FGGY: variants seen among roughly 807,000 people sequenced by gnomAD.
FGGY encodes the protein FGGY carbohydrate kinase domain containing, also known as FGGY carbohydrate kinase domain-containing protein.
Under a neutral mutation model 71.3 loss-of-function variants are expected in FGGY, and 72 were observed. The ratio of observed to expected loss-of-function variants is 1.01; its 90% CI spans 0.84 to 1.23. The LOEUF is 1.23. FGGY is among the 50% of genes most tolerant of loss of function. FGGY has a pLI of 0.00. For synonymous variants in FGGY, 251 were observed against 250.3 expected (o/e 1.00, Z -0.02); for missense variants, 668 against 682.3 (o/e 0.98, Z 0.23).
At chr1:59,459,901 A>C (rs2153518094) in intron 6 of FGGY, among the ~76,000 whole-genome samples, 2 of 152,320 alleles carry the variant, frequency 1.3e-5, no homozygotes. Context: ...TGCATTACTA[A>C]CAGGGTTTGT....
chr1:59,586,263 A>T (rs1215861079), intron 8 of FGGY, among the ~76,000 whole-genome samples: 1 of 152,230 alleles, frequency 6.6e-6, no homozygotes, highest in Admixed American at 6.5e-5. Context: ...ACCAAGCCAG[A>T]TATCCAACAA....
At chr1:59,434,204 T>G (rs1429607084) in intron 5 of FGGY, among the ~76,000 whole-genome samples, 1 of 152,244 alleles carries the variant, frequency 6.6e-6, no homozygotes, top group Non-Finnish European at 1.5e-5. Context: ...GTAAGTTCAG[T>G]TAAGGCAGAC....
intron 1 of FGGY, among the ~76,000 whole-genome samples, chr1:59,320,177 A>C (rs2046144441): frequency 6.6e-6 from 1 of 152,210 alleles, no homozygotes; most frequent in East Asian, 1.9e-4. Context: ...CCACAGAGCC[A>C]AAAGGGGGAC....
intron 7 of FGGY, among the ~76,000 whole-genome samples, chr1:59,538,741 A>G (rs2153682705): frequency 6.6e-6 from 1 of 151,766 alleles, no homozygotes; most frequent in South Asian, 2.1e-4. Flanking sequence ...AAACTATAGC[A>G]AGAACAAAAA....
At chr1:59,345,452 G>GT (rs143225813) in intron 3 of FGGY, among the ~76,000 whole-genome samples, 7,724 of 152,164 alleles carry the variant, frequency 0.051, 452 homozygotes, top group African/African-American at 0.14. Flanking sequence ...GGACTACAGG[G>GT]TGGTAAGGCA....
chr1:59,378,624 C>G (rs538991453), intron 4 of FGGY, 125 bp from the exon 5 acceptor site: 44 of 729,930 alleles, frequency 6.0e-5, no homozygotes, highest in Non-Finnish European at 8.9e-5. Context: ...CCACCAAGCT[C>G]CTGAACAGAT....
intron 9 of FGGY, among the ~76,000 whole-genome samples, chr1:59,618,007 A>G (rs988358291): frequency 6.6e-6 from 1 of 152,112 alleles, no homozygotes; most frequent in East Asian, 1.9e-4. Flanking sequence ...CAGTGTGCAC[A>G]GTGTAGTACA....
intron 5 of FGGY, among the ~76,000 whole-genome samples, chr1:59,380,400 A>C (rs1365765972): frequency 5.9e-5 from 9 of 151,572 alleles, no homozygotes; most frequent in Non-Finnish European, 1.0e-4. Flanking sequence ...GAACTAGTTT[A>C]CAGTCCCACC....
chr1:59,321,079 T>G (rs1048030999), intron 1 of FGGY, among the ~76,000 whole-genome samples: 8 of 152,186 alleles, frequency 5.3e-5, no homozygotes, highest in African/African-American at 1.9e-4. Context: ...TCACAGTGCT[T>G]GCGTGTAAGA....
chr1:59,730,646 A>C (rs560847300), intron 14 of FGGY, among the ~76,000 whole-genome samples: 4 of 152,210 alleles, frequency 2.6e-5, no homozygotes, highest in Admixed American at 1.3e-4. Context: ...GGGGCAGGGC[A>C]TGGTGGACAT....
rs551791640 is a variant in FGGY at position 59,461,910 on chromosome 1, T to C, written c.670+4834T>C. Among the ~76,000 whole-genome samples the C allele has an allele frequency of 7.9e-5, 12 of 152,246 alleles. No homozygotes were observed. In the South Asian group the frequency reaches 1.5e-3, roughly 18 times the overall value. ...TTACATATGTATACATGTGCCATGC[T>C]GGTGTGCTGCACCCATTAACTCCTC... On this transcript the variant is annotated intron_variant, in intron 6 of 15. Transcript: ENST00000303721.
At chr1:59,594,527 TGGCACCA>T (rs1231181199) in intron 8 of FGGY, among the ~76,000 whole-genome samples, 1 of 152,222 alleles carries the variant, frequency 6.6e-6, no homozygotes, top group Non-Finnish European at 1.5e-5. Context: ...TGCTTCTTCC[TGGCACCA>T]GGCACCCAAG....
chr1:59,348,415 T>C (rs562932387), intron 4 of FGGY, among the ~76,000 whole-genome samples: 2 of 152,288 alleles, frequency 1.3e-5, no homozygotes, highest in Admixed American at 6.5e-5. Context: ...GTGGCTCCCA[T>C]TTCCAGATGT....
chr1:59,484,409 T>A (rs540403787), intron 6 of FGGY, among the ~76,000 whole-genome samples: 1 of 152,292 alleles, frequency 6.6e-6, no homozygotes, highest in Non-Finnish European at 1.5e-5. Context: ...CTTCTTTCCA[T>A]GGGCCTTAAA....
intron 8 of FGGY, 62 bp downstream of exon 8, chr1:59,554,289 C>G (rs1571195998): frequency 7.6e-7 from 1 of 1,310,864 alleles, no homozygotes; most frequent in African/African-American, 1.4e-5. Flanking sequence ...GGAAGGAGAC[C>G]CTGAGTGCTG....
intron 12 of FGGY, 60 bp downstream of exon 12, chr1:59,660,353 C>G (rs1420688399): frequency 4.6e-6 from 6 of 1,306,294 alleles, no homozygotes; most frequent in Non-Finnish European, 6.5e-6. Flanking sequence ...CTCTAGGCCA[C>G]TGGCTCCCCA....
At chr1:59,379,922 T>C (rs1401025067) in intron 5 of FGGY, among the ~76,000 whole-genome samples, 1 of 152,116 alleles carries the variant, frequency 6.6e-6, no homozygotes, top group Non-Finnish European at 1.5e-5. Context: ...TTACATGAGG[T>C]ATATCTCCTA....
intron 15 of FGGY, among the ~76,000 whole-genome samples, chr1:59,759,924 A>G (rs190234811): frequency 3.1e-4 from 47 of 152,364 alleles, no homozygotes; most frequent in Admixed American, 1.0e-3. Context: ...GTCCAAATTT[A>G]TATGTGGCTC....
intron 8 of FGGY, among the ~76,000 whole-genome samples, chr1:59,588,728 C>G (rs1415305292): frequency 1.3e-5 from 2 of 152,136 alleles, no homozygotes; most frequent in Non-Finnish European, 2.9e-5. Flanking sequence ...ACTTTACAGA[C>G]AAGCCAATGC....
Sources: allele counts gnomAD v4.1 joint callset (sites outside exome capture counted in the v4.1 genomes callset), GRCh38; gene constraint gnomAD v4.1.1; transcripts MANE v1.5; gene names NCBI Gene and HGNC (gene_info 2026-07-23, HGNC 2026-07-21).